Variants in IL6R observed in about 807,000 individuals in gnomAD.
IL6R encodes the protein interleukin 6 receptor.
IL6R carries 38 observed loss-of-function variants against 48.3 expected under a neutral mutation model. The observed-to-expected ratio is 0.79, with a 90% confidence interval of 0.61 to 1.03. The LOEUF (loss-of-function observed/expected upper bound fraction) is 1.03, where lower values mean the gene tolerates loss of function less well. Among genes scored for constraint, IL6R ranks in the 50% least tolerant of loss-of-function variants. The probability of loss-of-function intolerance (pLI) is 0.00; values close to 1 mark genes in which losing one functional copy is unlikely to be tolerated. For missense variants in IL6R, 534 were observed against 618.3 expected (o/e 0.86, Z 1.45); for synonymous variants, 264 against 256.2 (o/e 1.03, Z -0.29).
intron 3 of IL6R, 60 bp from the exon 4 acceptor site, chr1:154,434,458 TC>T: frequency 6.8e-7 from 1 of 1,470,478 alleles, no homozygotes; most frequent in Non-Finnish European, 9.3e-7. Context: ...CCCCCTTCTG[TC>T]CCGTCTTGAG....
intron 7 of IL6R, 44 bp downstream of exon 7, chr1:154,448,215 G>C (rs143953866): frequency 1.3e-5 from 20 of 1,514,618 alleles, no homozygotes; most frequent in Non-Finnish European, 1.7e-5. Flanking sequence ...GCAGCACCTC[G>C]TGTTTAGGAG....
chr1:154,418,888 C>A (rs896865763), intron 1 of IL6R, among the ~76,000 whole-genome samples: 1 of 152,132 alleles, frequency 6.6e-6, no homozygotes, highest in Admixed American at 6.5e-5. Context: ...CGCTGACCCC[C>A]CCTTGTGCAC....
chr1:154,447,736 C>T (rs1032396436), intron 6 of IL6R, among the ~76,000 whole-genome samples: 2 of 122,506 alleles, frequency 1.6e-5, no homozygotes, highest in African/African-American at 2.9e-5. Flanking sequence ...GTTTTTGAGA[C>T]GGAGTTTTGC....
intron 9 of IL6R, among the ~76,000 whole-genome samples, chr1:154,460,557 T>C (rs2149275483): frequency 6.6e-6 from 1 of 152,208 alleles, no homozygotes. Context: ...TAATGACAAA[T>C]GGAAAAAAAT....
intron 9 of IL6R, among the ~76,000 whole-genome samples, chr1:154,461,106 C>T (rs1326678760): frequency 6.6e-6 from 1 of 152,156 alleles, no homozygotes; most frequent in Non-Finnish European, 1.5e-5. Flanking sequence ...GAGCAGGCAG[C>T]ATATGTCAGG....
chr1:154,434,835 G>A lies in IL6R; in HGVS notation c.640+135G>A, dbSNP rs1403748271. 3 of 1,181,852 alleles carry A rather than the reference G, an allele frequency of 2.5e-6. No homozygotes were observed. In the East Asian group the frequency reaches 7.4e-5, roughly 29 times the overall value. 73.2% of individuals were successfully genotyped at this position (1,181,852 alleles called of 1,614,324 possible). A position where few individuals can be genotyped will look rare whatever the true frequency, so the allele number is the denominator to read the frequency against. Reference sequence around the variant, plus strand: ...TGGTGCCTTTTGGGCGTTGCTTGCCGGGAGGTGTGGCAATGATAAAGCAGG... The same window carrying A: ...TGGTGCCTTTTGGGCGTTGCTTGCCAGGAGGTGTGGCAATGATAAAGCAGG... On this transcript the variant is annotated intron_variant, in intron 4 of 9. Coordinates refer to ENST00000368485, the MANE Select transcript of IL6R (RefSeq NM_000565.4).
chr1:154,424,843 A>C (rs1264788292), intron 1 of IL6R, among the ~76,000 whole-genome samples: 1 of 152,128 alleles, frequency 6.6e-6, no homozygotes, highest in African/African-American at 2.4e-5. Flanking sequence ...TTAAAGAAGG[A>C]AGGGCTTCAT....
At chr1:154,412,938 A>G (rs1570919959) in intron 1 of IL6R, among the ~76,000 whole-genome samples, 1 of 148,316 alleles carries the variant, frequency 6.7e-6, no homozygotes, top group African/African-American at 2.5e-5. Context: ...TAAACAAAGA[A>G]CTTCCTCTTT....
Position 154,451,377 on chromosome 1 carries a change from G to T in IL6R, c.1066+1397G>T, listed in dbSNP as rs186743946. Among the ~76,000 whole-genome samples the T allele has an allele frequency of 3.3e-5, 5 of 152,042 alleles. No homozygotes were observed. In the South Asian group the frequency reaches 1.0e-3, roughly 31 times the overall value. On this transcript the variant is annotated intron_variant, in intron 8 of 9. Transcript: ENST00000368485. Reference sequence around the variant, plus strand: ...TACTAAAAATACAAAAATTAGCCAGGCGTGATGGCAGGTGCCTATAATCCC... The same window carrying T: ...TACTAAAAATACAAAAATTAGCCAGTCGTGATGGCAGGTGCCTATAATCCC...
At chr1:154,452,724 G>A (rs1433153788) in intron 8 of IL6R, among the ~76,000 whole-genome samples, 2 of 151,878 alleles carry the variant, frequency 1.3e-5, no homozygotes, top group African/African-American at 2.4e-5. Flanking sequence ...CCAGCTCCTC[G>A]GGAGGCTGAG....
intron 8 of IL6R, among the ~76,000 whole-genome samples, chr1:154,450,487 A>C (rs1173058654): frequency 6.6e-6 from 1 of 152,218 alleles, no homozygotes; most frequent in Non-Finnish European, 1.5e-5. Context: ...TATAATGAGG[A>C]GACCGTAAGA....
At chr1:154,432,461 G>A (rs901720729) in intron 3 of IL6R, among the ~76,000 whole-genome samples, 1 of 151,576 alleles carries the variant, frequency 6.6e-6, no homozygotes, top group African/African-American at 2.4e-5. Flanking sequence ...GGGCTCAAGC[G>A]ATTCTCCTGC....
At chr1:154,447,312 G>A (rs529200797) in intron 6 of IL6R, among the ~76,000 whole-genome samples, 88 of 150,274 alleles carry the variant, frequency 5.9e-4, no homozygotes, top group African/African-American at 2.0e-3. Flanking sequence ...GGTGGTGGGC[G>A]CCTATAATCC....
intron 1 of IL6R, among the ~76,000 whole-genome samples, chr1:154,428,586 G>A (rs549592877): frequency 1.3e-5 from 2 of 152,304 alleles, no homozygotes; most frequent in East Asian, 1.9e-4. Context: ...GCAACGTCCC[G>A]GGCACTTGGA....
chr1:154,426,584 T>A (rs1004588242), intron 1 of IL6R, among the ~76,000 whole-genome samples: 25 of 151,480 alleles, frequency 1.7e-4, no homozygotes, highest in Non-Finnish European at 2.5e-4. Flanking sequence ...ATTCAAACCA[T>A]TTATATGAAG....
chr1:154,421,117 G>A (rs1318384199), intron 1 of IL6R, among the ~76,000 whole-genome samples: 3 of 152,174 alleles, frequency 2.0e-5, no homozygotes, highest in African/African-American at 4.8e-5. Context: ...TGGCCTTGGC[G>A]CAGTCCTTGG....
intron 6 of IL6R, among the ~76,000 whole-genome samples, chr1:154,440,311 G>T (rs902251809): frequency 6.6e-6 from 1 of 152,148 alleles, no homozygotes; most frequent in Non-Finnish European, 1.5e-5. Context: ...ATTTGTCAGG[G>T]GACACTGGGT....
Position 154,434,131 on chromosome 1 carries a change from G to A in IL6R, c.459-388G>A, listed in dbSNP as rs375436158. ...GCAGATCACCTGAGGTCAGCAGTTCGAGACCAGCCTGGGCAACATGGTGAA... is the reference window on the plus strand; with the variant it reads ...GCAGATCACCTGAGGTCAGCAGTTCAAGACCAGCCTGGGCAACATGGTGAA... On this transcript the variant is annotated intron_variant, in intron 3 of 9. Coordinates refer to ENST00000368485, the MANE Select transcript of IL6R (RefSeq NM_000565.4). 5.3e-4 allele frequency among the ~76,000 whole-genome samples: 80 copies of A among 151,848 alleles called. No homozygotes were observed. In the South Asian group the frequency reaches 0.016, roughly 30 times the overall value.
intron 9 of IL6R, among the ~76,000 whole-genome samples, chr1:154,463,300 A>G (rs1013335134): frequency 3.9e-5 from 6 of 152,210 alleles, no homozygotes; most frequent in Non-Finnish European, 7.3e-5. Flanking sequence ...GACTCAGCAT[A>G]GCTCCAGTCA....
Sources: allele counts gnomAD v4.1 joint callset (sites outside exome capture counted in the v4.1 genomes callset), GRCh38; gene constraint gnomAD v4.1.1; transcripts MANE v1.5; gene names NCBI Gene and HGNC (gene_info 2026-07-23, HGNC 2026-07-21).